The following ZNF536 variants were observed in gnomAD, a reference collection of about 807,000 sequenced individuals.
ZNF536 encodes zinc finger protein 536.
In ZNF536, 13 loss-of-function variants were observed where a neutral mutation model predicts 84.5. That is an observed-to-expected ratio of 0.15 (90% CI 0.10 to 0.24). ZNF536 has a LOEUF of 0.24. Among genes scored for constraint, ZNF536 ranks in the 10% least tolerant of loss-of-function variants. ZNF536 has a pLI of 1.00. For missense variants in ZNF536, 1,536 were observed against 1,747.5 expected (o/e 0.88, Z 2.16); for synonymous variants, 811 against 742.5 (o/e 1.09, Z -1.50).
At chr19:30,476,711 C>T (rs1355410773) in intron 2 of ZNF536, among the ~76,000 whole-genome samples, 1 of 152,162 alleles carries the variant, frequency 6.6e-6, no homozygotes, top group Non-Finnish European at 1.5e-5. Flanking sequence ...GGCTTCTGTT[C>T]TCAAACAGGT....
chr19:30,530,504 G>T (rs2145866696), intron 2 of ZNF536, among the ~76,000 whole-genome samples: 1 of 152,204 alleles, frequency 6.6e-6, no homozygotes, highest in Admixed American at 6.5e-5. Context: ...GCACCATCAT[G>T]CCTGGCTAAT....
At chr19:30,265,525 G>A (rs1049027830) in intron 1 of ZNF536, among the ~76,000 whole-genome samples, 118 of 152,128 alleles carry the variant, frequency 7.8e-4, no homozygotes, top group African/African-American at 2.7e-3. Flanking sequence ...TGTCTGAGGC[G>A]CCTTGTCCAC....
chr19:30,430,297 ATTAT>A (rs1164055931), intron 1 of ZNF536, among the ~76,000 whole-genome samples: 1 of 151,914 alleles, frequency 6.6e-6, no homozygotes, highest in African/African-American at 2.4e-5. Context: ...CCCTCATTTG[ATTAT>A]TTATTTATTT....
chr19:30,413,872 A>G (rs2050599198), intron 1 of ZNF536, among the ~76,000 whole-genome samples: 1 of 151,980 alleles, frequency 6.6e-6, no homozygotes, highest in Admixed American at 6.6e-5. Flanking sequence ...TGGGCAAATC[A>G]TGAGGTCAGG....
At chr19:30,560,588 C>T (rs1302430115), downstream of ZNF536, among the ~76,000 whole-genome samples, 1 of 152,178 alleles carries the variant, frequency 6.6e-6, no homozygotes, top group African/African-American at 2.4e-5. Flanking sequence ...GACCACCCCC[C>T]CGCCCCATTG....
intron 3 of ZNF536, among the ~76,000 whole-genome samples, chr19:30,545,953 C>A (rs968393762): frequency 1.3e-5 from 2 of 152,260 alleles, no homozygotes; most frequent in Non-Finnish European, 2.9e-5. Context: ...CGGGCCTCAC[C>A]TCTGCAGGCT....
intron 1 of ZNF536, among the ~76,000 whole-genome samples, chr19:30,417,140 AT>A (rs1043362676): frequency 2.4e-5 from 3 of 123,460 alleles, no homozygotes; most frequent in African/African-American, 9.1e-5. Context: ...CGCCAGGCTA[AT>A]TTTTGTATTT....
At chr19:30,496,946 T>G (rs1221874981) in intron 2 of ZNF536, among the ~76,000 whole-genome samples, 9 of 152,202 alleles carry the variant, frequency 5.9e-5, no homozygotes, top group Admixed American at 5.9e-4. Flanking sequence ...CCTGCCCCCA[T>G]GCACAGCCTC....
chr19:30,656,288 A>G (rs1175016206), intron 1 of ZNF536, among the ~76,000 whole-genome samples: 1 of 152,214 alleles, frequency 6.6e-6, no homozygotes, highest in Admixed American at 6.5e-5. Context: ...TTTCTAATGA[A>G]TTTTATCAGA....
rs371638679 is a variant in ZNF536 at position 30,317,586 on chromosome 19, A to C, written c.-120+33445A>C. 5.9e-5 allele frequency among the ~76,000 whole-genome samples: 9 copies of C among 152,322 alleles called. No homozygotes were observed. In the East Asian group the frequency reaches 9.6e-4, roughly 16 times the overall value. ...GCGTAGGCCATGTGCGTTTGAACCC[A>C]GCCCTCACGGAGGTTGCTGGCAATG... On this transcript the variant is annotated intron_variant, in intron 2 of 5. Coordinates refer to the ZNF536 transcript ENST00000585628.
At chr19:30,478,067 A>G (rs1599514261) in intron 2 of ZNF536, among the ~76,000 whole-genome samples, 1 of 151,968 alleles carries the variant, frequency 6.6e-6, no homozygotes, top group Non-Finnish European at 1.5e-5. Context: ...GGCGTCCTTG[A>G]AGGAGCTCGG....
chr19:30,375,605 G>T (rs1401843407), intron 1 of ZNF536, among the ~76,000 whole-genome samples: 1 of 152,242 alleles, frequency 6.6e-6, no homozygotes. Flanking sequence ...GTGAGTGCCT[G>T]TGTGGGGGTA....
chr19:30,353,307 C>T (rs975520209), intron 3 of ZNF536, among the ~76,000 whole-genome samples: 1 of 152,160 alleles, frequency 6.6e-6, no homozygotes, highest in Non-Finnish European at 1.5e-5. Context: ...GAGCACGAGA[C>T]AGTGGTGGTG....
At chr19:30,458,451 T>TG (rs201216296) in intron 2 of ZNF536, among the ~76,000 whole-genome samples, 9,990 of 141,928 alleles carry the variant, frequency 0.07, 455 homozygotes, top group Admixed American at 0.13. Context: ...CCTGCTGTTT[T>TG]TTTTTTTTTT....
intron 2 of ZNF536, among the ~76,000 whole-genome samples, chr19:30,312,308 G>A (rs1280002820): frequency 1.3e-5 from 2 of 152,096 alleles, no homozygotes; most frequent in African/African-American, 4.8e-5. Context: ...GGGGATGGAA[G>A]GGAAGAGGGG....
chr19:30,304,831 A>G (rs2046298639), intron 2 of ZNF536, among the ~76,000 whole-genome samples: 2 of 152,206 alleles, frequency 1.3e-5, no homozygotes, highest in South Asian at 2.1e-4. Flanking sequence ...TCTGGGGGAA[A>G]TGATGGACGG....
intron 1 of ZNF536, among the ~76,000 whole-genome samples, chr19:30,635,577 G>T (rs1240733318): frequency 6.6e-6 from 1 of 152,162 alleles, no homozygotes; most frequent in East Asian, 1.9e-4. Context: ...GGTGCAGGGG[G>T]AGCATCTAAG....
chr19:30,599,666 A>G (rs1476312242), intron 1 of ZNF536, among the ~76,000 whole-genome samples: 1 of 152,094 alleles, frequency 6.6e-6, no homozygotes, highest in African/African-American at 2.4e-5. Flanking sequence ...CAGAGACTGC[A>G]GATACTTTTC....
intron 1 of ZNF536, among the ~76,000 whole-genome samples, chr19:30,682,545 C>T (rs1466896252): frequency 6.6e-6 from 1 of 152,178 alleles, no homozygotes; most frequent in Non-Finnish European, 1.5e-5. Context: ...TGGAAGGGTG[C>T]CTTCCCCACC....
Sources: gnomAD v4.1 joint callset for allele counts (sites outside exome capture counted in the v4.1 genomes callset) on GRCh38, gnomAD v4.1.1 for gene constraint, MANE v1.5 for transcripts, NCBI Gene and HGNC (gene_info 2026-07-23, HGNC 2026-07-21) for gene names.